The following PITRM1 variants were observed in gnomAD, a reference collection of about 807,000 sequenced individuals.
PITRM1 encodes pitrilysin metallopeptidase 1.
Under a neutral mutation model 129.9 loss-of-function variants are expected in PITRM1, and 100 were observed. The ratio of observed to expected loss-of-function variants is 0.77; its 90% confidence interval spans 0.65 to 0.91. The LOEUF (loss-of-function observed/expected upper bound fraction) is 0.91. Ranked by LOEUF, PITRM1 falls within the 40% of genes least tolerant of loss-of-function variation. The pLI is 0.00. For missense variants in PITRM1, 1,471 were observed against 1,318.3 expected (o/e 1.12, Z -1.79); for synonymous variants, 591 against 508.8 (o/e 1.16, Z -2.17).
chr10:3,148,522 G>A lies in PITRM1; in HGVS notation c.1872-231C>T, dbSNP rs186517770. 589 of 502,176 alleles carry A rather than the reference G, an allele frequency of 1.2e-3. 2 individuals carry two copies. The highest frequency in any genetic ancestry group is 0.01 in the African/African-American group (548 of 52,696). 31.1% of individuals were successfully genotyped at this position (502,176 alleles called of 1,614,324 possible). A position where few individuals can be genotyped will look rare whatever the true frequency, so the allele number is the denominator to read the frequency against. On this transcript the variant is annotated intron_variant, in intron 16 of 26. Transcript: ENST00000224949. ...AGTTTCTCCCGCCTAGGAAGTTAGCGTCCAGAGGCACAAGACACTTGGGCA... is the reference window on the plus strand; with the variant it reads ...AGTTTCTCCCGCCTAGGAAGTTAGCATCCAGAGGCACAAGACACTTGGGCA...
chr10:3,165,293 G>C lies in PITRM1; in HGVS notation c.575C>G (p.Pro192Arg). ...WRLEHENPSDPQTPLVFKGVV... is the reference protein window; with the variant it reads ...WRLEHENPSDRQTPLVFKGVV... ...TCCTTTAAAGACCAAGGGCGTCTGG[G>C]GGTCGCTCGGATTCTCATGTTCCAG... Residue 192 changes from proline to arginine, a missense_variant, in exon 6 of 27, where the codon CCC becomes CGC. Coordinates refer to ENST00000224949, the MANE Select transcript of PITRM1 (RefSeq NM_014889.4). 6.3e-7 allele frequency: 1 copy of C among 1,588,292 alleles called. No homozygotes were observed. Among genetic ancestry groups the C allele is most frequent in the Non-Finnish European group, 8.6e-7 (1 of 1,167,584 alleles).
At chr10:3,140,955 T>C (rs1300430704) in intron 23 of PITRM1, 143 bp from the exon 24 acceptor site, 4 of 752,034 alleles carry the variant, frequency 5.3e-6, no homozygotes, top group Non-Finnish European at 4.3e-6. Flanking sequence ...TGGTCTTGTT[T>C]TTTAAGAGAT....
In PITRM1 at chr10:3,168,915, TACACACACACACACACACACACACACAC is replaced by T. The variant is rs61366911; in HGVS notation, c.159+1161_159+1188del. On this transcript the variant is annotated intron_variant, in intron 2 of 26. Coordinates refer to ENST00000224949, the MANE Select transcript of PITRM1 (RefSeq NM_014889.4). ...CAGTCTAGGCAACAAAGTTTCCATC[TACACACACACACACACACACACACACAC>T]ACACACACACACACACACACACAAT... 1.5e-4 allele frequency among the ~76,000 whole-genome samples: 22 copies of T among 142,950 alleles called. No homozygotes were observed. The East Asian group carries it at 1.9e-3, about 12-fold the overall frequency. The allele number at this position is 142,950 out of a possible 152,430, so 93.8% of individuals were successfully genotyped here. A position where few individuals can be genotyped will look rare whatever the true frequency, so the allele number is the denominator to read the frequency against.
chr10:3,170,260 C>G, intron 1 of PITRM1, 54 bp from the exon 2 acceptor site: 1 of 1,287,462 alleles, frequency 7.8e-7, no homozygotes. Context: ...ATCTGGCTAA[C>G]ATTATTCAGC....
At chr10:3,159,980 G>A in intron 8 of PITRM1, 44 bp from the exon 9 acceptor site, 1 of 1,383,716 alleles carries the variant, frequency 7.2e-7, no homozygotes, top group Non-Finnish European at 1.0e-6. Context: ...GTGTCTGACG[G>A]TTGTCAACTA....
chr10:3,161,847 T>TG (rs1842463935), intron 7 of PITRM1, among the ~76,000 whole-genome samples: 1 of 74,962 alleles, frequency 1.3e-5, no homozygotes, highest in South Asian at 4.7e-4. Flanking sequence ...AAAACAAGAC[T>TG]GGGGAAAAAA....
In PITRM1 at chr10:3,141,415, T is replaced by C. The variant is rs1840185586; in HGVS notation, c.2646-603A>G. 20 of 222,376 alleles carry C rather than the reference T, an allele frequency of 9.0e-5. No individual in the cohort carries two copies. In the South Asian group the frequency reaches 1.1e-3, roughly 13 times the overall value. 13.8% of individuals were successfully genotyped at this position (222,376 alleles called of 1,614,324 possible). A position where few individuals can be genotyped will look rare whatever the true frequency, so the allele number is the denominator to read the frequency against. ...AAGTAGAAAGAGGTTATTTCTATTA[T>C]AAAGGCAAATGAGCAAATGAACATT... On this transcript the variant is annotated intron_variant, in intron 23 of 26. Coordinates refer to ENST00000224949, the MANE Select transcript of PITRM1 (RefSeq NM_014889.4).
chr10:3,142,827 C>A (rs1440226704), intron 23 of PITRM1: 2 of 154,708 alleles, frequency 1.3e-5, no homozygotes, highest in African/African-American at 4.8e-5. Flanking sequence ...CTGCAGGGCT[C>A]TGCAGGACCA....
chr10:3,170,282 A>G, intron 1 of PITRM1, 76 bp from the exon 2 acceptor site: 1 of 1,016,676 alleles, frequency 9.8e-7, no homozygotes, highest in Non-Finnish European at 1.5e-6. Context: ...ACATAGTGAA[A>G]ATACTCTCAT....
chr10:3,140,704 G>GA lies in PITRM1; in HGVS notation c.2753dup (p.Thr919HisfsTer25). The GA allele has an allele frequency of 1.2e-6, 2 of 1,600,154 alleles. No homozygotes were observed. Among genetic ancestry groups the GA allele is most frequent in the Non-Finnish European group, 1.7e-6 (2 of 1,172,918 alleles). ...AAACTCACCTGTAAGAGTAAAGGGT[G>GA]AAAATCCCATTGTGGCTGAGTTTTG... On this transcript the variant is annotated frameshift_variant, in exon 24 of 27. Transcript: ENST00000224949. LOFTEE classifies it high-confidence loss of function.
intron 9 of PITRM1, 28 bp from the exon 10 acceptor site, chr10:3,159,070 G>C (rs746203985): frequency 5.7e-6 from 9 of 1,587,532 alleles, no homozygotes; most frequent in Non-Finnish European, 7.7e-6. Context: ...GGAACGGGGA[G>C]GTAAGAAAAG....
Position 3,148,083 on chromosome 10 carries a change from GAAGA to G in PITRM1, c.1993-24_1993-21del, listed in dbSNP as rs760067771. 2.5e-6 allele frequency: 4 copies of G among 1,613,650 alleles called. No homozygotes were observed. The highest frequency in any genetic ancestry group is 3.3e-4 in the Middle Eastern group (2 of 6,084). The stretch of plus-strand genomic sequence containing the variant: ...CACACCCTGAACCAAAGAAAACACA[GAAGA>G]AAGGAATTAGGGCCGAATCGAACAG... On this transcript the variant is annotated intron_variant, in intron 17 of 26. Transcript: ENST00000224949.
intron 21 of PITRM1, among the ~76,000 whole-genome samples, chr10:3,144,756 A>G (rs1463003607): frequency 6.6e-6 from 1 of 152,142 alleles, no homozygotes; most frequent in Admixed American, 6.5e-5. Flanking sequence ...AGCTAGTTGT[A>G]ATGGCACCAC....
chr10:3,166,699 G>A (rs1842895175), intron 3 of PITRM1, among the ~76,000 whole-genome samples: 1 of 152,158 alleles, frequency 6.6e-6, no homozygotes, highest in Admixed American at 6.5e-5. Flanking sequence ...CCTGCAGCCC[G>A]CATGCTCAGG....
chr10:3,148,291 C>T lies in PITRM1; in HGVS notation c.1872G>A (p.Lys624=). The T allele has an allele frequency of 2.5e-6, 4 of 1,606,314 alleles. No individual in the cohort carries two copies. The highest frequency in any genetic ancestry group is 3.4e-6 in the Non-Finnish European group (4 of 1,176,204). ...YVPLFCSVLT[K]LGCGLLDYRE... is the part of the protein sequence containing the mutation. ...GGTAGTCAAGAAGGCCGCAGCCCAG[C>T]CTGACACAGCAGAGAAGCATCGCCC... Residue 624 remains lysine (K), a splice_region_variant and synonymous_variant, in exon 17 of 27, where the codon AAG becomes AAA. Transcript: ENST00000224949.
intron 1 of PITRM1, 96 bp downstream of exon 1, chr10:3,172,621 G>A (rs908872225): frequency 1.4e-4 from 159 of 1,136,348 alleles, no homozygotes; most frequent in Non-Finnish European, 6.6e-5. Flanking sequence ...TGCCAGCCCC[G>A]GGCGCAGGGA....
chr10:3,143,174 T>C (rs931971608), intron 23 of PITRM1: 8 of 571,760 alleles, frequency 1.4e-5, no homozygotes, highest in African/African-American at 1.1e-4. Context: ...ATAATAGAAA[T>C]TGTTTACAAA....
At chr10:3,166,176 TG>T in intron 4 of PITRM1, 52 bp downstream of exon 4, 2 of 1,437,518 alleles carry the variant, frequency 1.4e-6, no homozygotes, top group Non-Finnish European at 1.9e-6. Flanking sequence ...TGAATTCCAG[TG>T]GGTGTGCCTG....
At chr10:3,158,192 G>C (rs778477426) in intron 10 of PITRM1, 39 bp from the exon 11 acceptor site, 48 of 1,191,396 alleles carry the variant, frequency 4.0e-5, no homozygotes, top group Non-Finnish European at 5.8e-5. Flanking sequence ...TGGAATCCGG[G>C]CACGTTCATC....
Sources: gnomAD v4.1 joint callset for allele counts (sites outside exome capture counted in the v4.1 genomes callset) on GRCh38, gnomAD v4.1.1 for gene constraint, MANE v1.5 for transcripts, NCBI Gene and HGNC (gene_info 2026-07-23, HGNC 2026-07-21) for gene names.